The following LAMA3 variants were observed in gnomAD, a reference collection of about 807,000 sequenced individuals.
LAMA3 encodes the protein laminin subunit alpha 3, also known as laminin subunit alpha-3.
Under a neutral mutation model 402.0 loss-of-function variants are expected in LAMA3, and 281 were observed. The ratio of observed to expected loss-of-function variants is 0.70; its 90% CI spans 0.63 to 0.77. LAMA3 has a LOEUF of 0.77. LAMA3 is among the 30% of genes least tolerant of loss of function. The probability of loss-of-function intolerance (pLI) is 0.00; values close to 1 mark genes in which losing one functional copy is unlikely to be tolerated. For synonymous variants in LAMA3, 1,431 were observed against 1,558.4 expected (o/e 0.92, Z 1.93); for missense variants, 3,840 against 4,215.5 (o/e 0.91, Z 2.47).
chr18:23,781,491 T>A (rs1011703940), intron 11 of LAMA3, among the ~76,000 whole-genome samples: 1 of 151,790 alleles, frequency 6.6e-6, no homozygotes, highest in Admixed American at 6.6e-5. Context: ...TACATGAGAG[T>A]CTCTAGAAGG....
rs1246758752 is a variant in LAMA3 at position 23,928,140 on chromosome 18, CT to C, written c.8196del (p.Ala2733LeufsTer6). On this transcript the variant is annotated frameshift_variant, in exon 63 of 75. Transcript: ENST00000313654. LOFTEE classifies it high-confidence loss of function. ...GTAATCAGATTTAACATTTCTACGCCTGCTTTCCGAGGCTGCATGAAAAATT... is the reference window on the plus strand; with the variant it reads ...GTAATCAGATTTAACATTTCTACGCCGCTTTCCGAGGCTGCATGAAAAATT... ...AIRERFNIST[P>X]AFRGCMKNLK... 6.2e-7 allele frequency: 1 copy of C among 1,613,170 alleles called. No individual in the cohort carries two copies. Among genetic ancestry groups the C allele is most frequent in the Non-Finnish European group, 8.5e-7 (1 of 1,179,106 alleles).
At chr18:23,927,982 T>A (rs1389227082) in intron 62 of LAMA3, 141 bp from the exon 63 acceptor site, 2 of 740,264 alleles carry the variant, frequency 2.7e-6, no homozygotes, top group Non-Finnish European at 5.0e-6. Context: ...AGTAGCATTA[T>A]GGGAATCCCA....
In LAMA3 at chr18:23,835,821, A is replaced by C. The variant is rs1158372282; in HGVS notation, c.2985-1160A>C. 2.0e-5 allele frequency among the ~76,000 whole-genome samples: 3 copies of C among 152,110 alleles called. No individual in the cohort carries two copies. The East Asian group carries it at 5.8e-4, about 29-fold the overall frequency. ...TGCAGCATCTTCTGCTGAGGTTTCAACTTTTCCCAGCATTTCTCAAGTGAG... is the reference window on the plus strand; with the variant it reads ...TGCAGCATCTTCTGCTGAGGTTTCACCTTTTCCCAGCATTTCTCAAGTGAG... On this transcript the variant is annotated intron_variant, in intron 24 of 74. Transcript: ENST00000313654.
intron 72 of LAMA3, among the ~76,000 whole-genome samples, chr18:23,950,371 G>A (rs2082865877): frequency 6.6e-6 from 1 of 152,188 alleles, no homozygotes; most frequent in East Asian, 1.9e-4. Context: ...ACTCAAACAA[G>A]TCGGGCTGAA....
At chr18:23,753,910 C>T (rs989127427) in intron 6 of LAMA3, 98 bp downstream of exon 6, 1 of 808,238 alleles carries the variant, frequency 1.2e-6, no homozygotes, top group Non-Finnish European at 2.1e-6. Context: ...AGGTTCCTGT[C>T]CTCAATAGGA....
intron 59 of LAMA3, 130 bp from the exon 60 acceptor site, chr18:23,916,421 C>T: frequency 9.2e-7 from 1 of 1,081,684 alleles, no homozygotes; most frequent in Non-Finnish European, 1.4e-6. Context: ...TCTGCTTTAA[C>T]AAAATTATGA....
intron 12 of LAMA3, among the ~76,000 whole-genome samples, chr18:23,808,202 A>G (rs527981483): frequency 6.6e-6 from 1 of 152,292 alleles, no homozygotes; most frequent in East Asian, 1.9e-4. Context: ...CATGGGCACC[A>G]AAAGGCAAGG....
intron 12 of LAMA3, among the ~76,000 whole-genome samples, chr18:23,796,603 A>G (rs553614280): frequency 2.0e-5 from 3 of 152,226 alleles, no homozygotes; most frequent in Non-Finnish European, 4.4e-5. Flanking sequence ...AAAGCTCTTT[A>G]ATCAGCTGCA....
intron 1 of LAMA3, among the ~76,000 whole-genome samples, chr18:23,701,102 A>G (rs2060782786): frequency 6.6e-6 from 1 of 152,236 alleles, no homozygotes; most frequent in Non-Finnish European, 1.5e-5. Context: ...AGGTGCGGAG[A>G]TTAGGAGAAT....
chr18:23,722,751 G>C (rs779341649), intron 2 of LAMA3, among the ~76,000 whole-genome samples: 5 of 152,180 alleles, frequency 3.3e-5, no homozygotes, highest in Non-Finnish European at 7.3e-5. Context: ...CTTTCTTCTG[G>C]AATGTTCTCT....
intron 24 of LAMA3, among the ~76,000 whole-genome samples, chr18:23,836,057 AT>A (rs2063574437): frequency 6.6e-6 from 1 of 152,040 alleles, no homozygotes; most frequent in African/African-American, 2.4e-5. Context: ...TACTTAGTAT[AT>A]TTAACCCTAG....
chr18:23,873,193 A>G, intron 38 of LAMA3: 1 of 1,614,216 alleles, frequency 6.2e-7, no homozygotes, highest in Non-Finnish European at 8.5e-7. Context: ...CAAGCGAGTT[A>G]TGTGGAGTTT....
intron 41 of LAMA3, among the ~76,000 whole-genome samples, chr18:23,887,368 G>A (rs920134229): frequency 6.6e-6 from 1 of 152,100 alleles, no homozygotes; most frequent in African/African-American, 2.4e-5. Flanking sequence ...CCAACACCTG[G>A]GAGAGGCGTC....
At chr18:23,938,319 C>G (rs895393214) in intron 67 of LAMA3, among the ~76,000 whole-genome samples, 2 of 152,134 alleles carry the variant, frequency 1.3e-5, no homozygotes, top group African/African-American at 2.4e-5. Context: ...GAGCTCTGAG[C>G]GCCTGGGAAA....
chr18:23,897,618 G>T (rs8087837), intron 44 of LAMA3, among the ~76,000 whole-genome samples: 18,520 of 152,124 alleles, frequency 0.12, 2,566 homozygotes, highest in African/African-American at 0.32. Flanking sequence ...GGTTCTGGAA[G>T]AATTCAAATC....
chr18:23,783,339 A>G (rs979235634), intron 11 of LAMA3, among the ~76,000 whole-genome samples: 1 of 152,036 alleles, frequency 6.6e-6, no homozygotes, highest in Non-Finnish European at 1.5e-5. Flanking sequence ...CACAGCTAAG[A>G]TAGAGAATAA....
At chr18:23,886,162 T>C (rs1436256325) in intron 41 of LAMA3, among the ~76,000 whole-genome samples, 1 of 152,226 alleles carries the variant, frequency 6.6e-6, no homozygotes, top group Non-Finnish European at 1.5e-5. Flanking sequence ...AATATTTGTG[T>C]ATGCATATCC....
At chr18:23,702,343 A>G (rs1248235796) in intron 1 of LAMA3, among the ~76,000 whole-genome samples, 2 of 152,056 alleles carry the variant, frequency 1.3e-5, no homozygotes, top group East Asian at 3.9e-4. Flanking sequence ...TCTTTTTCTA[A>G]TTTTAGAGAC....
intron 41 of LAMA3, among the ~76,000 whole-genome samples, chr18:23,889,088 A>G (rs1420215715): frequency 3.3e-5 from 5 of 152,216 alleles, no homozygotes; most frequent in Admixed American, 3.3e-4. Context: ...AAGAGTCATT[A>G]TATACAGCAC....
Sources: allele counts gnomAD v4.1 joint callset (sites outside exome capture counted in the v4.1 genomes callset), GRCh38; gene constraint gnomAD v4.1.1; transcripts MANE v1.5; gene names NCBI Gene and HGNC (gene_info 2026-07-23, HGNC 2026-07-21).